Variants in NBR1 observed in about 807,000 individuals in gnomAD.
NBR1 encodes the protein NBR1 autophagy cargo receptor.
A neutral mutation model predicts 115.5 loss-of-function variants in NBR1; 59 were observed. That is an observed-to-expected ratio of 0.51 (90% CI 0.41 to 0.63). NBR1 has a LOEUF of 0.63. NBR1 is among the 30% of genes least tolerant of loss of function. The pLI, the probability that NBR1 is intolerant of heterozygous loss-of-function variation, is 0.00. For missense variants in NBR1, 1,043 were observed against 1,150.5 expected (o/e 0.91, Z 1.35); for synonymous variants, 373 against 414.7 (o/e 0.90, Z 1.22).
At chr17:43,199,434 C>T (rs1334033434) in intron 16 of NBR1, among the ~76,000 whole-genome samples, 2 of 150,832 alleles carry the variant, frequency 1.3e-5, no homozygotes, top group African/African-American at 2.4e-5. Flanking sequence ...AGTGCAGCAG[C>T]GCGGTCTCGG....
chr17:43,191,691 T>C lies in NBR1; in HGVS notation c.1073+110T>C, dbSNP rs868744037. On this transcript the variant is annotated intron_variant, in intron 10 of 20. Coordinates refer to ENST00000590996, the MANE Select transcript of NBR1 (RefSeq NM_005899.5). ...TGGTAGCCCTTAACACCTAAATCTT[T>C]AAAACTTTCCATTATCTGGTCTTAG... 27 of 694,676 alleles carry C rather than the reference T, an allele frequency of 3.9e-5. No homozygotes were observed. The Middle Eastern group carries it at 5.2e-3, about 133-fold the overall frequency. 43.0% of individuals were successfully genotyped at this position (694,676 alleles called of 1,614,324 possible). A position where few individuals can be genotyped will look rare whatever the true frequency, so the allele number is the denominator to read the frequency against.
At chr17:43,188,433 T>G (rs2056869590) in intron 6 of NBR1, among the ~76,000 whole-genome samples, 1 of 152,204 alleles carries the variant, frequency 6.6e-6, no homozygotes, top group Non-Finnish European at 1.5e-5. Flanking sequence ...TGATGATAGT[T>G]TCTTTTGCTG....
At chr17:43,193,755 G>C in intron 12 of NBR1, 117 bp downstream of exon 12, 1 of 1,108,786 alleles carries the variant, frequency 9.0e-7, no homozygotes, top group Non-Finnish European at 1.3e-6. Context: ...TGAAAGGTTA[G>C]CATCTCCCCC....
rs1204085936 is a variant in NBR1, at chr17:43,193,596, G to T, written c.1482G>T (p.Met494Ile). 5 of 1,611,374 alleles carry T rather than the reference G, an allele frequency of 3.1e-6. No homozygotes were observed. In the African/African-American group the frequency reaches 6.7e-5, roughly 22 times the overall value. ...GCCCTGATAACATTGAAAAGGGCAT[G>T]ATCAGCTCAAGCAAAACTGATGATC... ...EESPDNIEKG[M>I]ISSSKTDDLT... is the part of the protein sequence containing the mutation. The change falls in exon 12 of 21, where the codon ATG becomes ATT. Residue 494 changes from methionine (M) to isoleucine (I), a missense_variant. Met to Ile is a conservative substitution (Grantham distance 10, BLOSUM62 1). Transcript: ENST00000590996.
At chr17:43,205,546 C>T (rs2057296861) in intron 20 of NBR1, among the ~76,000 whole-genome samples, 2 of 151,898 alleles carry the variant, frequency 1.3e-5, no homozygotes, top group African/African-American at 4.8e-5. Context: ...GAAATGTGAG[C>T]ATGGAGTGTG....
intron 5 of NBR1, among the ~76,000 whole-genome samples, chr17:43,184,444 C>T (rs951368993): frequency 7.0e-6 from 1 of 143,240 alleles, no homozygotes; most frequent in Non-Finnish European, 1.5e-5. Flanking sequence ...CAGCTCATTG[C>T]AACCTCCGCC....
At chr17:43,178,136 C>T in intron 3 of NBR1, 138 bp downstream of exon 3, 1 of 1,055,988 alleles carries the variant, frequency 9.5e-7, no homozygotes, top group Non-Finnish European at 1.4e-6. Context: ...ACTGAATATT[C>T]TAAGAAGACT....
chr17:43,200,063 C>G, intron 16 of NBR1, 104 bp from the exon 17 acceptor site: 1 of 934,510 alleles, frequency 1.1e-6, no homozygotes. Context: ...TCTCCTCTGG[C>G]TTTCATAATT....
chr17:43,183,767 C>A (rs1172482553), intron 5 of NBR1, among the ~76,000 whole-genome samples: 1 of 151,816 alleles, frequency 6.6e-6, no homozygotes, highest in East Asian at 2.0e-4. Context: ...TCAAGCAATT[C>A]TCATACCTCA....
chr17:43,171,252 G>A lies in NBR1; in HGVS notation c.-60G>A, dbSNP rs1396997110. On this transcript the variant is annotated 5_prime_UTR_variant, in exon 1 of 21. Coordinates refer to ENST00000590996, the MANE Select transcript of NBR1 (RefSeq NM_005899.5). ...AGGGATAGCGGCAGAGCCGGTAGCG[G>A]ACGGTCCTTGCATTGGCCTCCGGCA... 1 of 152,674 alleles carries A rather than the reference G, an allele frequency of 6.5e-6. No individual in the cohort carries two copies. Among genetic ancestry groups the A allele is most frequent in the Non-Finnish European group, 1.5e-5 (1 of 68,042 alleles). The allele number at this position is 152,674 out of a possible 1,614,324, so 9.5% of individuals were successfully genotyped here. A position where few individuals can be genotyped will look rare whatever the true frequency, so the allele number is the denominator to read the frequency against.
chr17:43,180,374 A>G (rs2056632302), intron 4 of NBR1, among the ~76,000 whole-genome samples: 1 of 152,246 alleles, frequency 6.6e-6, no homozygotes, highest in Non-Finnish European at 1.5e-5. Context: ...TTGAAACACA[A>G]TGGTATTTGC....
chr17:43,184,566 A>G (rs989829763), intron 5 of NBR1, among the ~76,000 whole-genome samples: 3 of 150,922 alleles, frequency 2.0e-5, no homozygotes, highest in African/African-American at 4.9e-5. Flanking sequence ...GGGTTTCACC[A>G]TGTTGGACAG....
rs1280826827 is a variant in NBR1, at chr17:43,206,175, C to CA, written c.2727+2404dup. Among the ~76,000 whole-genome samples the CA allele has an allele frequency of 7.4e-3, 470 of 63,464 alleles. 2 individuals are homozygous for CA. Among genetic ancestry groups the CA allele is most frequent in the African/African-American group, 0.019 (305 of 16,338 alleles). The allele number at this position is 63,464 out of a possible 152,430, so 41.6% of individuals were successfully genotyped here. On this transcript the variant is annotated intron_variant, in intron 20 of 20. Coordinates refer to ENST00000590996, the MANE Select transcript of NBR1 (RefSeq NM_005899.5). ...TGGGTGACAGAGCGAGACTCTGTCT[C>CA]AAAAAAAAAAAAAAAGAAAAAGAAA...
intron 20 of NBR1, among the ~76,000 whole-genome samples, chr17:43,206,812 C>T (rs887997963): frequency 6.6e-6 from 1 of 152,102 alleles, no homozygotes; most frequent in Non-Finnish European, 1.5e-5. Flanking sequence ...TCTGTAATTT[C>T]AGCACTTTGG....
chr17:43,202,016 A>G (rs1273055714), intron 18 of NBR1, among the ~76,000 whole-genome samples: 1 of 151,802 alleles, frequency 6.6e-6, no homozygotes, highest in Admixed American at 6.6e-5. Context: ...TGTCTCTACT[A>G]AAAAATAGCA....
At chr17:43,181,034 G>T (rs2056651131) in intron 5 of NBR1, among the ~76,000 whole-genome samples, 1 of 152,010 alleles carries the variant, frequency 6.6e-6, no homozygotes, top group South Asian at 2.1e-4. Context: ...ACCACGCCCG[G>T]CTAACTTTTT....
chr17:43,203,488 C>T (rs1197874114), intron 19 of NBR1, among the ~76,000 whole-genome samples, 193 bp from the exon 20 acceptor site: 1 of 152,176 alleles, frequency 6.6e-6, no homozygotes, highest in East Asian at 1.9e-4. Flanking sequence ...CTTGCTTGCA[C>T]CAGTAGAGCT....
chr17:43,190,093 C>CTTTTT (rs34682023), intron 8 of NBR1: 9 of 214,366 alleles, frequency 4.2e-5, no homozygotes, highest in South Asian at 1.8e-4. Flanking sequence ...TTCCAAATGC[C>CTTTTT]TTTTTTTTTT....
At chr17:43,204,570 C>A (rs900388906) in intron 20 of NBR1, among the ~76,000 whole-genome samples, 2 of 151,936 alleles carry the variant, frequency 1.3e-5, no homozygotes, top group African/African-American at 4.8e-5. Flanking sequence ...AATCCCAGCA[C>A]TTTGGGAGGC....
Sources: gnomAD v4.1 joint callset for allele counts (sites outside exome capture counted in the v4.1 genomes callset) on GRCh38, gnomAD v4.1.1 for gene constraint, MANE v1.5 for transcripts, NCBI Gene and HGNC (gene_info 2026-07-23, HGNC 2026-07-21) for gene names.